The following SCML2 variants were observed in gnomAD, a reference collection of about 807,000 sequenced individuals.
SCML2 encodes sex comb on midleg-like protein 2.
In SCML2, 6 loss-of-function variants were observed where a neutral mutation model predicts 48.4. The ratio of observed to expected loss-of-function variants is 0.12; its 90% CI spans 0.07 to 0.24. The LOEUF is 0.24. Among genes scored for constraint, SCML2 ranks in the 10% least tolerant of loss-of-function variants. The pLI is 1.00. For missense variants in SCML2, 377 were observed against 528.2 expected, an observed-to-expected ratio of 0.71 and a Z score of 2.81; for synonymous variants, 181 against 189.5, an observed-to-expected ratio of 0.95 and a Z score of 0.37.
intron 13 of SCML2, among the ~76,000 whole-genome samples, chrX:18,243,911 G>T (rs1305614991): frequency 6.3e-5 from 7 of 111,944 alleles, no homozygotes; most frequent in South Asian, 3.7e-4. Context: ...ATGTTTTTTT[G>T]TGTGTGAATT....
At chrX:18,347,581 G>A (rs1437493037) in intron 1 of SCML2, among the ~76,000 whole-genome samples, 3 of 107,983 alleles carry the variant, frequency 2.8e-5, no homozygotes, top group South Asian at 4.2e-4. Context: ...GCAAAACCCC[G>A]TCTGCGGTGG....
Position 18,323,999 on chromosome X carries a change from A to G in SCML2, c.257T>C (p.Ile86Thr), listed in dbSNP as rs1384569498. Residue 86 changes from isoleucine to threonine, a missense_variant, in exon 5 of 15, where the codon ATT becomes ACT. This residue lies in a region of SCML2 where 17 missense variants were observed against 42.8 expected (regional missense o/e 0.40). Transcript: ENST00000251900. ...CCGTAACCTGGCCCCAGTAATTCCA[A>G]TAACCGTAGCAATACATACTGAAGT... ...NATSVCIATV[I>T]GITGARLRLR... 1 of 1,210,925 alleles carries G rather than the reference A, an allele frequency of 8.3e-7. No homozygotes were observed. Among genetic ancestry groups the G allele is most frequent in the Non-Finnish European group, 1.1e-6 (1 of 895,008 alleles).
At chrX:18,310,510 CCCACCTCG>C (rs1419876341) in intron 6 of SCML2, among the ~76,000 whole-genome samples, 1 of 110,928 alleles carries the variant, frequency 9.0e-6, no homozygotes, top group Non-Finnish European at 1.9e-5. Flanking sequence ...AGGTGATCCA[CCCACCTCG>C]GCCTCCCAAA....
At chrX:18,289,086 A>T (rs766376164) in intron 7 of SCML2, among the ~76,000 whole-genome samples, 1 of 111,926 alleles carries the variant, frequency 8.9e-6, no homozygotes, top group African/African-American at 3.2e-5. Context: ...ATGAGAAGAC[A>T]TGCAAAATCT....
At chrX:18,247,698 C>T in intron 12 of SCML2, 71 bp downstream of exon 12, 4 of 825,263 alleles carry the variant, frequency 4.8e-6, no homozygotes, top group South Asian at 4.7e-5. Context: ...ATACTACCAC[C>T]CCAAGAGTAT....
At chrX:18,273,397 A>G (rs927614576) in intron 7 of SCML2, among the ~76,000 whole-genome samples, 3 of 111,672 alleles carry the variant, frequency 2.7e-5, no homozygotes, top group Non-Finnish European at 5.6e-5. Flanking sequence ...AGCCAACTAG[A>G]TATCTACATA....
Position 18,335,972 on chromosome X carries a change from T to A in SCML2, c.-24-1877A>T, listed in dbSNP as rs187211438. 4.5e-3 allele frequency among the ~76,000 whole-genome samples: 502 copies of A among 111,885 alleles called. 5 individuals are homozygous for A. Among genetic ancestry groups the A allele is most frequent in the African/African-American group, 0.015 (471 of 30,847 alleles). On this transcript the variant is annotated intron_variant, in intron 1 of 14. Transcript: ENST00000251900. ...GATGGAGAATTTACATCATCTTATTTCAAGACATAGTATAAGGCAACGGTA... is the reference window on the plus strand; with the variant it reads ...GATGGAGAATTTACATCATCTTATTACAAGACATAGTATAAGGCAACGGTA...
chrX:18,313,024 T>C (rs758009086), intron 6 of SCML2, among the ~76,000 whole-genome samples: 1 of 107,132 alleles, frequency 9.3e-6, no homozygotes, highest in South Asian at 4.1e-4. Context: ...TGTGTGTGTA[T>C]GTGTATTCTG....
intron 11 of SCML2, 126 bp downstream of exon 11, chrX:18,256,722 A>G (rs749099383): frequency 8.3e-6 from 2 of 241,451 alleles, no homozygotes; most frequent in Admixed American, 5.6e-5. Context: ...AAAAACAACT[A>G]TATGTTATAC....
At chrX:18,308,309 G>A (rs1928829893) in intron 6 of SCML2, among the ~76,000 whole-genome samples, 1 of 88,652 alleles carries the variant, frequency 1.1e-5, no homozygotes, top group Non-Finnish European at 2.2e-5. Flanking sequence ...GAGGAAGGGA[G>A]GGAGGAAGGA....
chrX:18,328,450 C>T (rs993216204), intron 3 of SCML2, among the ~76,000 whole-genome samples: 1 of 111,332 alleles, frequency 9.0e-6, no homozygotes, highest in Non-Finnish European at 1.9e-5. Flanking sequence ...GCGGGCAGAT[C>T]GCTTGAGCCC....
At chrX:18,273,938 C>G (rs1272663607) in intron 7 of SCML2, among the ~76,000 whole-genome samples, 1 of 110,794 alleles carries the variant, frequency 9.0e-6, no homozygotes, top group African/African-American at 3.3e-5. Context: ...CCTTCCCACT[C>G]CATCCCCTTT....
intron 1 of SCML2, among the ~76,000 whole-genome samples, chrX:18,342,165 C>T (rs1930034194): frequency 9.0e-6 from 1 of 111,592 alleles, no homozygotes; most frequent in Non-Finnish European, 1.9e-5. Context: ...ATAAGAAAGG[C>T]TCAAAAAAGA....
chrX:18,290,314 T>C (rs977462765), intron 7 of SCML2, among the ~76,000 whole-genome samples: 5 of 111,907 alleles, frequency 4.5e-5, no homozygotes, highest in Non-Finnish European at 7.5e-5. Flanking sequence ...ACTGGCAGCC[T>C]ACGATGCCAA....
chrX:18,315,501 A>G (rs769777151), intron 6 of SCML2, among the ~76,000 whole-genome samples: 12 of 111,864 alleles, frequency 1.1e-4, no homozygotes, highest in Admixed American at 3.8e-4. Context: ...AAAGGCTAGC[A>G]TAACAGTTCA....
Position 18,295,464 on chromosome X carries a change from G to A in SCML2, c.730+9508C>T, listed in dbSNP as rs1265066653. Among the ~76,000 whole-genome samples, 3 of 112,021 alleles carry A rather than the reference G, an allele frequency of 2.7e-5. No homozygotes were observed. In the East Asian group the frequency reaches 8.4e-4, roughly 32 times the overall value. On this transcript the variant is annotated intron_variant, in intron 7 of 14. Coordinates refer to ENST00000251900, the MANE Select transcript of SCML2 (RefSeq NM_006089.3). ...TGGCACATACCCGTTGGGGGCCTGA[G>A]GACTGGCCCACCCAGCCTGTTGCAG...
Position 18,302,866 on chromosome X carries a change from G to C in SCML2, c.730+2106C>G, listed in dbSNP as rs1294398419. On this transcript the variant is annotated intron_variant, in intron 7 of 14. Coordinates refer to ENST00000251900, the MANE Select transcript of SCML2 (RefSeq NM_006089.3). ...CACCTGGATGTCCCAAAGTTACCCT[G>C]AATCAGTTAGGATTGAGTTCAGCTA... 2.7e-5 allele frequency among the ~76,000 whole-genome samples: 3 copies of C among 112,073 alleles called. No homozygotes were observed. The Admixed American group carries it at 2.8e-4, about 11-fold the overall frequency.
At chrX:18,342,993 T>A in intron 1 of SCML2, among the ~76,000 whole-genome samples, 1 of 111,652 alleles carries the variant, frequency 9.0e-6, no homozygotes, top group Non-Finnish European at 1.9e-5. Flanking sequence ...AATTCTACAA[T>A]CTGTTGAGAA....
At chrX:18,250,314 A>G (rs1256381803) in intron 11 of SCML2, among the ~76,000 whole-genome samples, 3 of 111,150 alleles carry the variant, frequency 2.7e-5, no homozygotes, top group African/African-American at 9.8e-5. Flanking sequence ...CCAGGTTCAA[A>G]TGATTCTTGT....
Sources: gnomAD v4.1 joint callset for allele counts (sites outside exome capture counted in the v4.1 genomes callset) on GRCh38, gnomAD v4.1.1 for gene constraint, gnomAD v4.1.1 regional missense constraint, MANE v1.5 for transcripts, NCBI Gene and HGNC (gene_info 2026-07-23, HGNC 2026-07-21) for gene names.